Variants in TMEM132D observed in about 807,000 individuals in gnomAD.
The protein encoded by TMEM132D is transmembrane protein 132D, also known as mature OL transmembrane protein.
A neutral mutation model predicts 62.3 loss-of-function variants in TMEM132D; 21 were observed. The observed-to-expected ratio is 0.34, with a 90% CI of 0.24 to 0.49. The LOEUF (loss-of-function observed/expected upper bound fraction) is 0.49. Among genes scored for constraint, TMEM132D ranks in the 20% least tolerant of loss-of-function variants. The pLI is 0.99. For synonymous variants in TMEM132D, 621 were observed against 575.6 expected (o/e 1.08, Z -1.13); for missense variants, 1,346 against 1,402.8 (o/e 0.96, Z 0.65).
chr12:129,604,333 A>C (rs1878560480), intron 2 of TMEM132D, among the ~76,000 whole-genome samples: 1 of 152,178 alleles, frequency 6.6e-6, no homozygotes, highest in Non-Finnish European at 1.5e-5. Flanking sequence ...TTAAAGTAAA[A>C]TTAAAAATAT....
chr12:129,663,214 C>T (rs370788124), intron 2 of TMEM132D, among the ~76,000 whole-genome samples: 38 of 152,246 alleles, frequency 2.5e-4, no homozygotes, highest in Middle Eastern at 3.4e-3. Context: ...CTTGGCTCTC[C>T]GCAGCCTCCA....
At chr12:129,466,035 T>G (rs893107279) in intron 3 of TMEM132D, among the ~76,000 whole-genome samples, 1 of 152,162 alleles carries the variant, frequency 6.6e-6, no homozygotes, top group Non-Finnish European at 1.5e-5. Context: ...GGCACAGGAT[T>G]AATGTAAAGG....
chr12:129,670,019 T>A (rs1880467615), intron 2 of TMEM132D, among the ~76,000 whole-genome samples: 1 of 152,172 alleles, frequency 6.6e-6, no homozygotes, highest in Non-Finnish European at 1.5e-5. Flanking sequence ...GCCAGAGCGA[T>A]CGGCTGCCTT....
rs529026121 is a variant in TMEM132D, at chr12:129,810,435, T to G, written c.79+92826A>C. On this transcript the variant is annotated intron_variant, in intron 1 of 8. Transcript: ENST00000422113. ...GTCAGTAAATGAGGGACGGCTACAT[T>G]GTTTTTGGTAGTATGTGTGTGTAAC... 8.6e-4 allele frequency among the ~76,000 whole-genome samples: 131 copies of G among 152,264 alleles called. 1 individual carries two copies. The highest frequency in any genetic ancestry group is 2.8e-3 in the African/African-American group (115 of 41,550).
At chr12:129,705,465 A>G (rs1434000800) in intron 1 of TMEM132D, among the ~76,000 whole-genome samples, 1 of 152,222 alleles carries the variant, frequency 6.6e-6, no homozygotes, top group African/African-American at 2.4e-5. Flanking sequence ...CCACTGTACA[A>G]AATTAGATAT....
chr12:129,587,162 G>A (rs1480732538), intron 2 of TMEM132D, among the ~76,000 whole-genome samples: 4 of 151,970 alleles, frequency 2.6e-5, no homozygotes, highest in African/African-American at 9.7e-5. Context: ...ATGATAGATG[G>A]GATAAAAAAA....
chr12:129,182,225 G>A (rs1054249296), intron 5 of TMEM132D, among the ~76,000 whole-genome samples: 2 of 152,200 alleles, frequency 1.3e-5, no homozygotes, highest in Non-Finnish European at 2.9e-5. Context: ...TTAGCCGGGT[G>A]CAGTGGTGCA....
chr12:129,723,129 G>C (rs1868905396), intron 1 of TMEM132D, among the ~76,000 whole-genome samples: 1 of 152,170 alleles, frequency 6.6e-6, no homozygotes, highest in Non-Finnish European at 1.5e-5. Flanking sequence ...TGGACTGATA[G>C]GAAATAAAAA....
chr12:129,375,250 G>C (rs1325166422), intron 3 of TMEM132D, among the ~76,000 whole-genome samples: 1 of 152,152 alleles, frequency 6.6e-6, no homozygotes. Flanking sequence ...AAATTATTCA[G>C]TACAGCAGTT....
chr12:129,817,185 GC>G (rs1872370590), intron 1 of TMEM132D, among the ~76,000 whole-genome samples: 1 of 152,206 alleles, frequency 6.6e-6, no homozygotes, highest in Non-Finnish European at 1.5e-5. Context: ...AATCCCCACT[GC>G]ACCTTAATAT....
intron 1 of TMEM132D, among the ~76,000 whole-genome samples, chr12:129,840,854 G>A (rs567606787): frequency 6.6e-6 from 1 of 152,352 alleles, no homozygotes; most frequent in South Asian, 2.1e-4. Flanking sequence ...GAATGCAATG[G>A]TTGCTTAATG....
chr12:129,186,391 C>T (rs1169991965), intron 5 of TMEM132D, among the ~76,000 whole-genome samples: 1 of 152,190 alleles, frequency 6.6e-6, no homozygotes, highest in African/African-American at 2.4e-5. Flanking sequence ...CCCCTGGTTT[C>T]CTTGAGTTCC....
intron 5 of TMEM132D, among the ~76,000 whole-genome samples, chr12:129,112,164 G>A (rs979119942): frequency 1.2e-4 from 18 of 152,148 alleles, no homozygotes; most frequent in African/African-American, 3.4e-4. Context: ...GCTCTCTGTT[G>A]CTTGCAAATG....
intron 4 of TMEM132D, among the ~76,000 whole-genome samples, chr12:129,329,133 G>A (rs998036720): frequency 6.6e-6 from 1 of 151,882 alleles, no homozygotes; most frequent in Non-Finnish European, 1.5e-5. Flanking sequence ...CCCAGCTCCT[G>A]CCTACCCTGA....
At chr12:129,815,578 C>A (rs767640016) in intron 1 of TMEM132D, among the ~76,000 whole-genome samples, 1 of 152,156 alleles carries the variant, frequency 6.6e-6, no homozygotes, top group Non-Finnish European at 1.5e-5. Context: ...TAAATCAGAC[C>A]ATTGCAAGCA....
At chr12:129,809,128 T>C (rs1315358888) in intron 1 of TMEM132D, among the ~76,000 whole-genome samples, 2 of 151,976 alleles carry the variant, frequency 1.3e-5, no homozygotes, top group South Asian at 2.1e-4. Context: ...GCCAACGTGG[T>C]GAAACCTCGT....
intron 3 of TMEM132D, among the ~76,000 whole-genome samples, chr12:129,411,607 C>T (rs527310515): frequency 5.3e-5 from 8 of 152,204 alleles, no homozygotes; most frequent in South Asian, 4.2e-4. Flanking sequence ...CTCCCACCTC[C>T]GCCTCCCAAA....
At chr12:129,566,061 G>A (rs1042771279) in intron 2 of TMEM132D, among the ~76,000 whole-genome samples, 4 of 152,198 alleles carry the variant, frequency 2.6e-5, no homozygotes, top group African/African-American at 7.2e-5. Context: ...AAGCACTTAG[G>A]TGATTGAGCT....
At chr12:129,176,950 T>C (rs1488243629) in intron 5 of TMEM132D, among the ~76,000 whole-genome samples, 1 of 152,172 alleles carries the variant, frequency 6.6e-6, no homozygotes, top group Non-Finnish European at 1.5e-5. Flanking sequence ...GGAAGGGAAA[T>C]GCAAACACAG....
Sources: gnomAD v4.1 joint callset for allele counts (sites outside exome capture counted in the v4.1 genomes callset) on GRCh38, gnomAD v4.1.1 for gene constraint, MANE v1.5 for transcripts, NCBI Gene and HGNC (gene_info 2026-07-23, HGNC 2026-07-21) for gene names.